CSMD1: variants seen among roughly 807,000 people sequenced by gnomAD.
CSMD1 encodes the protein CUB and sushi domain-containing protein 1.
Under a neutral mutation model 417.5 loss-of-function variants are expected in CSMD1, and 213 were observed. The ratio of observed to expected loss-of-function variants is 0.51; its 90% CI spans 0.46 to 0.57. The LOEUF (loss-of-function observed/expected upper bound fraction) is 0.57. Among genes scored for constraint, CSMD1 ranks in the 20% least tolerant of loss-of-function variants. The pLI, the probability that CSMD1 is intolerant of heterozygous loss-of-function variation, is 0.00. For synonymous variants in CSMD1, 2,862 were observed against 1,736.8 expected (o/e 1.65, Z -16.11); for missense variants, 6,923 against 4,529.7 (o/e 1.53, Z -15.17).
chr8:4,088,491 ATCT>A (rs1484873176), intron 3 of CSMD1, among the ~76,000 whole-genome samples: 2 of 152,128 alleles, frequency 1.3e-5, no homozygotes, highest in East Asian at 1.9e-4. Flanking sequence ...CTGGTTATCC[ATCT>A]TCTTCTTTGT....
At chr8:3,977,743 A>G (rs1487752080) in intron 5 of CSMD1, among the ~76,000 whole-genome samples, 1 of 152,166 alleles carries the variant, frequency 6.6e-6, no homozygotes, top group African/African-American at 2.4e-5. Flanking sequence ...TTTGGTCTTC[A>G]CAATTTTGTG....
intron 3 of CSMD1, among the ~76,000 whole-genome samples, chr8:4,248,777 A>C (rs1435435257): frequency 6.6e-6 from 1 of 152,140 alleles, no homozygotes; most frequent in Admixed American, 6.5e-5. Flanking sequence ...GTTTACTGTC[A>C]GTTTTCCTCC....
chr8:3,390,826 C>A (rs1218119909), intron 17 of CSMD1, among the ~76,000 whole-genome samples: 1 of 152,026 alleles, frequency 6.6e-6, no homozygotes, highest in African/African-American at 2.4e-5. Context: ...AACTCCTAGT[C>A]CAAGGAAGGA....
intron 1 of CSMD1, among the ~76,000 whole-genome samples, chr8:4,736,285 C>G (rs1281601503): frequency 6.6e-6 from 1 of 152,144 alleles, no homozygotes; most frequent in Non-Finnish European, 1.5e-5. Flanking sequence ...TCACTGCACA[C>G]TCTGTTGTGT....
intron 10 of CSMD1, among the ~76,000 whole-genome samples, chr8:3,540,665 G>A (rs934742676): frequency 6.6e-6 from 1 of 151,864 alleles, no homozygotes; most frequent in Non-Finnish European, 1.5e-5. Context: ...GAATCTACAA[G>A]GAACTCAAAC....
intron 1 of CSMD1, among the ~76,000 whole-genome samples, chr8:4,969,911 A>T (rs1810130417): frequency 6.6e-6 from 1 of 152,132 alleles, no homozygotes; most frequent in South Asian, 2.1e-4. Context: ...TTAGAGTTTG[A>T]GTTTGAAGTA....
At chr8:4,935,467 G>A (rs926993214) in intron 1 of CSMD1, among the ~76,000 whole-genome samples, 2 of 152,190 alleles carry the variant, frequency 1.3e-5, no homozygotes, top group Non-Finnish European at 2.9e-5. Context: ...CCAGAAATCA[G>A]AAACTAAGTC....
At chr8:4,339,493 A>G (rs550755324) in intron 3 of CSMD1, among the ~76,000 whole-genome samples, 2 of 152,222 alleles carry the variant, frequency 1.3e-5, no homozygotes, top group African/African-American at 4.8e-5. Context: ...GCTGAGTGAC[A>G]AAGAGTTTAA....
intron 1 of CSMD1, among the ~76,000 whole-genome samples, chr8:4,872,408 G>C (rs7000666): frequency 0.012 from 1,854 of 152,128 alleles, 51 homozygotes; most frequent in African/African-American, 0.042. Context: ...CTGCTCTCAT[G>C]ATAGCAGGTG....
intron 5 of CSMD1, among the ~76,000 whole-genome samples, chr8:3,978,355 T>A (rs749286963): frequency 6.6e-6 from 1 of 152,206 alleles, no homozygotes; most frequent in African/African-American, 2.4e-5. Context: ...TAAGCACATA[T>A]AATTTTTACA....
intron 3 of CSMD1, among the ~76,000 whole-genome samples, chr8:4,362,872 G>T (rs1323595827): frequency 4.6e-5 from 7 of 152,094 alleles, no homozygotes. Context: ...TAAATTCATG[G>T]CTCATCTGAG....
At chr8:4,593,029 C>T (rs1250426146) in intron 2 of CSMD1, among the ~76,000 whole-genome samples, 1 of 152,162 alleles carries the variant, frequency 6.6e-6, no homozygotes, top group Non-Finnish European at 1.5e-5. Flanking sequence ...TATTGGTCTA[C>T]ATGCTGGAGG....
intron 8 of CSMD1, among the ~76,000 whole-genome samples, chr8:3,610,076 C>A (rs981893688): frequency 2.0e-5 from 3 of 151,926 alleles, no homozygotes; most frequent in Non-Finnish European, 4.4e-5. Context: ...AGCCTTCCCT[C>A]CTTTTAAAAC....
chr8:4,808,180 G>T (rs1798697198), intron 1 of CSMD1, among the ~76,000 whole-genome samples: 1 of 152,200 alleles, frequency 6.6e-6, no homozygotes, highest in Non-Finnish European at 1.5e-5. Flanking sequence ...GAGGGCGGCA[G>T]GCAGATTGGT....
intron 2 of CSMD1, among the ~76,000 whole-genome samples, chr8:4,611,969 T>C (rs542937794): frequency 6.6e-6 from 1 of 152,278 alleles, no homozygotes; most frequent in South Asian, 2.1e-4. Flanking sequence ...AATTTGTGTG[T>C]TTTTTTCCTC....
chr8:3,947,306 C>A (rs142155931), intron 5 of CSMD1, among the ~76,000 whole-genome samples: 1 of 152,054 alleles, frequency 6.6e-6, no homozygotes. Context: ...CTTTTAATTT[C>A]CAGTCTGTTA....
At chr8:4,093,267 A>G (rs1800816172) in intron 3 of CSMD1, among the ~76,000 whole-genome samples, 1 of 152,192 alleles carries the variant, frequency 6.6e-6, no homozygotes, top group Non-Finnish European at 1.5e-5. Flanking sequence ...AAAAAATCAC[A>G]TTTACATAAA....
At chr8:4,026,967 G>C (rs542430670) in intron 4 of CSMD1, among the ~76,000 whole-genome samples, 1 of 152,292 alleles carries the variant, frequency 6.6e-6, no homozygotes, top group South Asian at 2.1e-4. Context: ...ACTTTGCAGT[G>C]TTTGCCAATT....
At chr8:4,647,155 T>A (rs1278870231) in intron 1 of CSMD1, among the ~76,000 whole-genome samples, 1 of 152,108 alleles carries the variant, frequency 6.6e-6, no homozygotes, top group African/African-American at 2.4e-5. Flanking sequence ...ACAAATGGGT[T>A]CATATCCATC....
Sources: gnomAD v4.1 joint callset for allele counts (sites outside exome capture counted in the v4.1 genomes callset) on GRCh38, gnomAD v4.1.1 for gene constraint, MANE v1.5 for transcripts, NCBI Gene and HGNC (gene_info 2026-07-23, HGNC 2026-07-21) for gene names.